The following SPAG9 variants were observed in gnomAD, a reference collection of about 807,000 sequenced individuals.
The protein encoded by SPAG9 is sperm associated antigen 9, also known as C-Jun-amino-terminal kinase-interacting protein 4.
SPAG9 carries 35 observed loss-of-function variants against 166.5 expected under a neutral mutation model. That is an observed-to-expected ratio of 0.21 (90% CI 0.16 to 0.28). The LOEUF (loss-of-function observed/expected upper bound fraction) is 0.28, where lower values mean the gene tolerates loss of function less well. Ranked by LOEUF, SPAG9 falls within the 10% of genes least tolerant of loss-of-function variation. The pLI, the probability that SPAG9 is intolerant of heterozygous loss-of-function variation, is 1.00. For missense variants in SPAG9, 1,235 were observed against 1,603.3 expected (o/e 0.77, Z 3.92); for synonymous variants, 534 against 565.5 (o/e 0.94, Z 0.79).
At chr17:50,986,017 G>T (rs1291374225) in intron 22 of SPAG9, among the ~76,000 whole-genome samples, 2 of 152,248 alleles carry the variant, frequency 1.3e-5, no homozygotes, top group African/African-American at 4.8e-5. Flanking sequence ...GCAAGAACTA[G>T]TGCAATGCAC....
intron 6 of SPAG9, among the ~76,000 whole-genome samples, chr17:51,026,320 G>GAAAAAAAAAAA (rs55851511): frequency 1.1e-5 from 1 of 89,354 alleles, no homozygotes. Flanking sequence ...GGTGAAAAGA[G>GAAAAAAAAAAA]AAAAAAAAAA....
In SPAG9 at chr17:51,014,519, T is replaced by A. The variant is rs540398622; in HGVS notation, c.1092-166A>T. On this transcript the variant is annotated intron_variant, in intron 8 of 29. Coordinates refer to ENST00000262013, the MANE Select transcript of SPAG9 (RefSeq NM_001130528.3). ...TTCTCAAAGGCTTCCTAAGAAATTC[T>A]CACTAAGCTCCATGGAAATAGCTGG... is the stretch of plus-strand genomic sequence containing the variant. 4 of 533,720 alleles carry A rather than the reference T, an allele frequency of 7.5e-6. No individual in the cohort carries two copies. In the East Asian group the frequency reaches 1.3e-4, roughly 17 times the overall value. 33.1% of individuals were successfully genotyped at this position (533,720 alleles called of 1,614,324 possible). A position where few individuals can be genotyped will look rare whatever the true frequency, so the allele number is the denominator to read the frequency against.
At chr17:51,050,480 A>T (rs1189630378) in intron 3 of SPAG9, among the ~76,000 whole-genome samples, 1 of 152,148 alleles carries the variant, frequency 6.6e-6, no homozygotes, top group Non-Finnish European at 1.5e-5. Flanking sequence ...GGCCTGCCTG[A>T]CTCAGTCATC....
At chr17:51,079,018 A>T (rs935361686) in intron 2 of SPAG9, among the ~76,000 whole-genome samples, 7 of 152,204 alleles carry the variant, frequency 4.6e-5, no homozygotes, top group Non-Finnish European at 1.0e-4. Context: ...TGTTAACTAC[A>T]AACAAAGGCT....
chr17:50,974,121 A>G (rs1974043855), intron 28 of SPAG9, among the ~76,000 whole-genome samples: 1 of 152,234 alleles, frequency 6.6e-6, no homozygotes, highest in Non-Finnish European at 1.5e-5. Context: ...GGTCAGTGAC[A>G]TCACTTAAGT....
intron 5 of SPAG9, among the ~76,000 whole-genome samples, chr17:51,034,458 C>T (rs931485100): frequency 6.6e-6 from 1 of 152,032 alleles, no homozygotes; most frequent in Non-Finnish European, 1.5e-5. Flanking sequence ...AGGAAGAAAG[C>T]ATTCAAAAAA....
chr17:51,027,507 G>T (rs1233490940), intron 6 of SPAG9, among the ~76,000 whole-genome samples: 1 of 151,410 alleles, frequency 6.6e-6, no homozygotes, highest in African/African-American at 2.4e-5. Flanking sequence ...ACACTCATAA[G>T]ATAATACGAT....
chr17:50,993,989 C>A, intron 18 of SPAG9, 54 bp from the exon 19 acceptor site: 1 of 1,472,434 alleles, frequency 6.8e-7, no homozygotes, highest in South Asian at 1.2e-5. Flanking sequence ...TACAAATATT[C>A]ATAAGGTGGT....
At chr17:51,060,505 TAAAAAAA>T (rs35700642) in intron 2 of SPAG9, among the ~76,000 whole-genome samples, 7 of 101,490 alleles carry the variant, frequency 6.9e-5, no homozygotes, top group African/African-American at 2.1e-4. Flanking sequence ...TTTGTCTTTT[TAAAAAAA>T]AAAAAAAAAA....
chr17:50,967,779 A>G (rs1973470380), intron 29 of SPAG9, among the ~76,000 whole-genome samples: 1 of 152,314 alleles, frequency 6.6e-6, no homozygotes, highest in Middle Eastern at 3.4e-3. Context: ...ATATTACAGG[A>G]AATGAAAAAG....
In SPAG9 at chr17:50,987,100, A is replaced by G. The variant is rs777604759; in HGVS notation, c.2939+12T>C. On this transcript the variant is annotated intron_variant, in intron 22 of 29. Coordinates refer to ENST00000262013, the MANE Select transcript of SPAG9 (RefSeq NM_001130528.3). The stretch of plus-strand genomic sequence containing the variant: ...AACAACATATTCTAATGTTAAAAGC[A>G]TTGACACCTACCAGCCATTTTGAGC... 6.2e-7 allele frequency: 1 copy of G among 1,601,604 alleles called. No homozygotes were observed. Among genetic ancestry groups the G allele is most frequent in the Non-Finnish European group, 8.5e-7 (1 of 1,176,528 alleles).
In SPAG9 at chr17:51,120,585, C is replaced by T. The variant is rs560278020; in HGVS notation, c.72G>A (p.Val24=). ...GGSGAVMSER[V]SGLAGSIYRE... ...GGTAGATGGAGCCGGCCAGGCCGGACACCCGCTCCGACATCACGGCCCCGG... is the reference window on the plus strand; with the variant it reads ...GGTAGATGGAGCCGGCCAGGCCGGATACCCGCTCCGACATCACGGCCCCGG... Residue 24 remains valine (V), a synonymous_variant, in exon 1 of 30, where the codon GTG becomes GTA. Transcript: ENST00000262013. The surrounding 1 kb of genome is among the most constrained non-coding windows in gnomAD (Gnocchi z 4.7). The T allele has an allele frequency of 3.0e-4, 491 of 1,613,338 alleles. 4 individuals carry two copies. In the South Asian group the frequency reaches 3.5e-3, roughly 11 times the overall value.
chr17:50,979,724 A>G (rs1376001246), intron 26 of SPAG9, 22 bp downstream of exon 26: 1 of 1,600,262 alleles, frequency 6.2e-7, no homozygotes, highest in South Asian at 1.1e-5. Context: ...ACTGGTAAAG[A>G]TAAAACGCGT....
At chr17:51,103,266 C>A (rs565914525) in intron 1 of SPAG9, among the ~76,000 whole-genome samples, 2 of 152,266 alleles carry the variant, frequency 1.3e-5, no homozygotes, top group African/African-American at 4.8e-5. Context: ...TTATCTACTG[C>A]ATCCTAGTTG....
At chr17:51,015,734 T>A (rs1436929923) in intron 8 of SPAG9, among the ~76,000 whole-genome samples, 3 of 149,596 alleles carry the variant, frequency 2.0e-5, no homozygotes, top group Non-Finnish European at 1.5e-5. Context: ...AATGAGGGTT[T>A]AAAAAAAAAT....
chr17:51,061,612 C>CCA (rs34337438), intron 2 of SPAG9, among the ~76,000 whole-genome samples: 68 of 31,760 alleles, frequency 2.1e-3, no homozygotes, highest in South Asian at 3.6e-3. Flanking sequence ...GCTCTGTCTC[C>CCA]AAAAAAAAAA....
intron 1 of SPAG9, among the ~76,000 whole-genome samples, chr17:51,109,541 T>C (rs2049047414): frequency 6.6e-6 from 1 of 151,818 alleles, no homozygotes; most frequent in Non-Finnish European, 1.5e-5. Context: ...GGCCTCAAAT[T>C]TAAATTTCTT....
intron 8 of SPAG9, among the ~76,000 whole-genome samples, chr17:51,014,856 T>C (rs1440317322): frequency 6.7e-6 from 1 of 149,896 alleles, no homozygotes; most frequent in African/African-American, 2.5e-5. Flanking sequence ...ATACAAAGGT[T>C]TTTTTTTTTA....
Position 51,120,686 on chromosome 17 carries a change from G to A in SPAG9, c.-30C>T, listed in dbSNP as rs777881001. On this transcript the variant is annotated 5_prime_UTR_variant, in exon 1 of 30. Coordinates refer to ENST00000262013, the MANE Select transcript of SPAG9 (RefSeq NM_001130528.3). The surrounding 1 kb of genome is among the most constrained non-coding windows in gnomAD (Gnocchi z 4.7). ...GCAAGCGGACGGGCGGGCGGCCCGGGGCGTCGCCGGCAGAGGGGCGGCACC... is the reference window on the plus strand; with the variant it reads ...GCAAGCGGACGGGCGGGCGGCCCGGAGCGTCGCCGGCAGAGGGGCGGCACC... 14 of 1,535,032 alleles carry A rather than the reference G, an allele frequency of 9.1e-6. No homozygotes were observed. Among genetic ancestry groups the A allele is most frequent in the Non-Finnish European group, 1.1e-5 (13 of 1,141,788 alleles).
Sources: allele counts gnomAD v4.1 joint callset (sites outside exome capture counted in the v4.1 genomes callset), GRCh38; gene constraint gnomAD v4.1.1; non-coding constraint Gnocchi (gnomAD v3.1); transcripts MANE v1.5; gene names NCBI Gene and HGNC (gene_info 2026-07-23, HGNC 2026-07-21).